Variants in CDH8 observed in about 807,000 individuals in gnomAD.
The protein encoded by CDH8 is cadherin 8.
In CDH8, 17 loss-of-function variants were observed where a neutral mutation model predicts 68.1. The observed-to-expected ratio is 0.25, with a 90% CI of 0.17 to 0.37. The LOEUF (loss-of-function observed/expected upper bound fraction) is 0.37, where lower values mean the gene tolerates loss of function less well. CDH8 is among the 10% of genes least tolerant of loss of function. CDH8 has a pLI of 1.00. For missense variants in CDH8, 763 were observed against 999.3 expected (o/e 0.76, Z 3.19); for synonymous variants, 372 against 365.1 (o/e 1.02, Z -0.21).
rs1185703652 is a variant in CDH8 at position 61,940,398 on chromosome 16, C to CTTTTTTTTTTTTTTTTTTTTTTTTTTTT, written c.253-38926_253-38925insAAAAAAAAAAAAAAAAAAAAAAAAAAAA. ...GAGCTATGGTAATGAACTACTTGAT[C>CTTTTTTTTTTTTTTTTTTTTTTTTTTTT]TTTTTTTTTTTTTTTTTTTGAGACG... On this transcript the variant is annotated intron_variant, in intron 2 of 11. Transcript: ENST00000577390. 34 of 116,316 alleles carry CTTTTTTTTTTTTTTTTTTTTTTTTTTTT rather than the reference C, an allele frequency of 2.9e-4. 3 individuals are homozygous for CTTTTTTTTTTTTTTTTTTTTTTTTTTTT. The highest frequency in any genetic ancestry group is 2.4e-3 in the East Asian group (8 of 3,318). The allele number at this position is 116,316 out of a possible 1,614,324, so 7.2% of individuals were successfully genotyped here.
At position 61,825,084 on chromosome 16, in the gene CDH8, C is replaced by T; in HGVS notation, c.763G>A (p.Gly255Ser). 3.1e-6 allele frequency: 5 copies of T among 1,611,926 alleles called. No homozygotes were observed. Among genetic ancestry groups the T allele is most frequent in the Non-Finnish European group, 4.2e-6 (5 of 1,178,624 alleles). ...GTAAGTGTCGTGGTCCCAGACAGGC[C>T]ACCAGAGTGTCCACCCATATCTTTG... ...QAKDMGGHSG[G>S]LSGTTTLTVT... Residue 255 changes from glycine (G) to serine (S), a missense_variant, in exon 5 of 12, where the codon GGC (glycine) becomes AGC (serine). By Grantham distance (56) the Gly-to-Ser change is moderately conservative. Transcript: ENST00000577390.
intron 10 of CDH8, among the ~76,000 whole-genome samples, chr16:61,677,089 G>A (rs554868191): frequency 4.3e-4 from 66 of 151,856 alleles, no homozygotes; most frequent in African/African-American, 1.5e-3. Flanking sequence ...CCACAAGCTT[G>A]GTTTTCCTTC....
At chr16:61,888,305 T>A (rs1963713743) in intron 3 of CDH8, among the ~76,000 whole-genome samples, 1 of 152,166 alleles carries the variant, frequency 6.6e-6, no homozygotes, top group African/African-American at 2.4e-5. Flanking sequence ...TAGGCTCCAC[T>A]TTGTCCCCAT....
chr16:61,692,825 G>A (rs1196243615), intron 10 of CDH8: 2 of 152,106 alleles, frequency 1.3e-5, no homozygotes, highest in Non-Finnish European at 2.9e-5. Context: ...GAAGCTTTGA[G>A]CAAATGCTGG....
intron 2 of CDH8, among the ~76,000 whole-genome samples, chr16:61,958,549 A>C (rs1049126381): frequency 6.6e-6 from 1 of 152,162 alleles, no homozygotes; most frequent in Non-Finnish European, 1.5e-5. Context: ...GGAAGCAAAA[A>C]TATAAAGGTT....
chr16:61,765,474 G>C (rs1413739798), intron 8 of CDH8, among the ~76,000 whole-genome samples: 1 of 152,044 alleles, frequency 6.6e-6, no homozygotes, highest in African/African-American at 2.4e-5. Flanking sequence ...CACATCTGTT[G>C]CTTGGTTGTG....
intron 2 of CDH8, among the ~76,000 whole-genome samples, chr16:61,951,232 C>T (rs1597085282): frequency 6.6e-6 from 1 of 152,098 alleles, no homozygotes; most frequent in Admixed American, 6.5e-5. Context: ...GCCATATGGG[C>T]CGGGCATGGT....
chr16:61,671,122 T>C (rs1351619795), intron 10 of CDH8, among the ~76,000 whole-genome samples: 1 of 152,076 alleles, frequency 6.6e-6, no homozygotes, highest in African/African-American at 2.4e-5. Context: ...AAAAAAATCC[T>C]GCAGTAATTC....
intron 4 of CDH8, among the ~76,000 whole-genome samples, chr16:61,846,466 T>C (rs1229590439): frequency 1.3e-5 from 2 of 152,088 alleles, no homozygotes; most frequent in Non-Finnish European, 2.9e-5. Flanking sequence ...ATTCACTTAA[T>C]TGAAATTAAA....
chr16:62,016,598 CT>C (rs1419856575), intron 2 of CDH8, among the ~76,000 whole-genome samples: 1 of 152,216 alleles, frequency 6.6e-6, no homozygotes, highest in Non-Finnish European at 1.5e-5. Flanking sequence ...CCATGAGCCA[CT>C]TTTTTCTCTA....
At chr16:61,696,396 T>C (rs1483649071) in intron 10 of CDH8, among the ~76,000 whole-genome samples, 7 of 152,056 alleles carry the variant, frequency 4.6e-5, no homozygotes, top group African/African-American at 1.7e-4. Flanking sequence ...TAAATGCAAA[T>C]CAAAACCACA....
chr16:61,972,622 G>T (rs1191688447), intron 2 of CDH8, among the ~76,000 whole-genome samples: 1 of 149,006 alleles, frequency 6.7e-6, no homozygotes, highest in Non-Finnish European at 1.5e-5. Context: ...GTTTAATTGG[G>T]CCTGGTTCCC....
chr16:61,813,924 AATTAGACT>A (rs1213764575), intron 7 of CDH8, among the ~76,000 whole-genome samples: 1 of 152,214 alleles, frequency 6.6e-6, no homozygotes, highest in East Asian at 1.9e-4. Context: ...AAATGAGATC[AATTAGACT>A]ATTTAGCCTA....
At chr16:62,022,786 C>A (rs1448149795) in intron 1 of CDH8, among the ~76,000 whole-genome samples, 1 of 152,102 alleles carries the variant, frequency 6.6e-6, no homozygotes, top group Admixed American at 6.6e-5. Context: ...TTACTGAAGC[C>A]AGCTGAAAGG....
intron 2 of CDH8, among the ~76,000 whole-genome samples, chr16:62,007,209 A>G (rs950611722): frequency 2.0e-5 from 3 of 151,978 alleles, no homozygotes; most frequent in African/African-American, 7.2e-5. Flanking sequence ...CCCGGCCCCC[A>G]TTTCATAATT....
chr16:61,737,567 T>C (rs1411487567), intron 8 of CDH8, among the ~76,000 whole-genome samples: 5 of 152,120 alleles, frequency 3.3e-5, no homozygotes, highest in Non-Finnish European at 7.4e-5. Context: ...GACGAAACTT[T>C]TTGAGACACA....
At chr16:61,696,897 A>C (rs1057108035) in intron 10 of CDH8, among the ~76,000 whole-genome samples, 6 of 152,140 alleles carry the variant, frequency 3.9e-5, no homozygotes, top group Non-Finnish European at 8.8e-5. Flanking sequence ...AGTGAAGTAC[A>C]CATGGACACA....
chr16:61,915,630 A>T (rs936194131), intron 2 of CDH8, among the ~76,000 whole-genome samples: 1 of 152,190 alleles, frequency 6.6e-6, no homozygotes, highest in African/African-American at 2.4e-5. Flanking sequence ...GTTTTTAAAG[A>T]TACATTTTAT....
At chr16:61,977,924 A>G (rs945299854) in intron 2 of CDH8, among the ~76,000 whole-genome samples, 1 of 152,122 alleles carries the variant, frequency 6.6e-6, no homozygotes, top group Non-Finnish European at 1.5e-5. Flanking sequence ...ATCCGCTTTA[A>G]TGATAGTTTG....
Sources: gnomAD v4.1 joint callset for allele counts (sites outside exome capture counted in the v4.1 genomes callset) on GRCh38, gnomAD v4.1.1 for gene constraint, MANE v1.5 for transcripts, NCBI Gene and HGNC (gene_info 2026-07-23, HGNC 2026-07-21) for gene names.